Variants in COPG1 observed in about 807,000 individuals in gnomAD.
The protein encoded by COPG1 is coatomer subunit gamma-1.
In COPG1, 29 loss-of-function variants were observed where a neutral mutation model predicts 102.8. The ratio of observed to expected loss-of-function variants is 0.28; its 90% CI spans 0.21 to 0.38. The LOEUF (loss-of-function observed/expected upper bound fraction) is 0.38. Among genes scored for constraint, COPG1 ranks in the 10% least tolerant of loss-of-function variants. The pLI is 1.00. For synonymous variants in COPG1, 406 were observed against 421.6 expected (o/e 0.96, Z 0.45); for missense variants, 875 against 1,132.7 (o/e 0.77, Z 3.27).
chr3:129,252,592 C>T, intron 3 of COPG1, 31 bp from the exon 4 acceptor site: 1 of 1,591,006 alleles, frequency 6.3e-7, no homozygotes, highest in South Asian at 1.1e-5. Context: ...CCCTCTGTCC[C>T]AAGCTGAGAC....
In COPG1 at chr3:129,260,372, G is replaced by A. The variant is rs201228229; in HGVS notation, c.911G>A (p.Arg304His). The change falls in exon 11 of 24, where the codon CGC (arginine) becomes CAC (histidine). Residue 304 changes from arginine to histidine, a missense_variant. Transcript: ENST00000314797. ...TGCAGCTCACCCAAGGCTGCTCTCCGCTATGCTGCTGTTCGTACCCTCAAT... is the reference window on the plus strand; with the variant it reads ...TGCAGCTCACCCAAGGCTGCTCTCCACTATGCTGCTGTTCGTACCCTCAAT... ...LFCSSPKAAL[R>H]YAAVRTLNKV... 24 of 1,614,126 alleles carry A rather than the reference G, an allele frequency of 1.5e-5. No individual in the cohort carries two copies. The highest frequency in any genetic ancestry group is 1.9e-5 in the Non-Finnish European group (22 of 1,180,008).
chr3:129,275,505 T>A lies in COPG1; in HGVS notation c.2494+213T>A, dbSNP rs1390426569. Among the ~76,000 whole-genome samples, 1 of 152,248 alleles carries A rather than the reference T, an allele frequency of 6.6e-6. No homozygotes were observed. The highest frequency in any genetic ancestry group is 2.4e-5 in the African/African-American group (1 of 41,468). ...TTCCGAGAAGCGACCAGTGTTACTA[T>A]TACAAACAATACTTGTATAACCTTG... On this transcript the variant is annotated intron_variant, in intron 23 of 23. Transcript: ENST00000314797. This position sits in a 1 kb window ranked among gnomAD's most constrained non-coding sequence, Gnocchi z 5.0.
At chr3:129,250,382 C>T (rs977787482) in intron 1 of COPG1, among the ~76,000 whole-genome samples, 15 of 152,294 alleles carry the variant, frequency 9.8e-5, no homozygotes, top group African/African-American at 3.4e-4. Context: ...TGGTCCCTGG[C>T]ACATAGGGAC....
intron 11 of COPG1, 98 bp downstream of exon 11, chr3:129,260,498 CAGTT>C: frequency 1.3e-6 from 2 of 1,502,538 alleles, no homozygotes; most frequent in South Asian, 1.2e-5. Flanking sequence ...GCCCTGGTCA[CAGTT>C]AGTTTCTTCT....
At position 129,275,324 on chromosome 3, in the gene COPG1, G is replaced by C; in HGVS notation, c.2494+32G>C. On this transcript the variant is annotated intron_variant, in intron 23 of 23. Coordinates refer to ENST00000314797, the MANE Select transcript of COPG1 (RefSeq NM_016128.4). This position sits in a 1 kb window ranked among gnomAD's most constrained non-coding sequence, Gnocchi z 5.0. The stretch of plus-strand genomic sequence containing the variant: ...GGCATTTCTAGATGGGGAGGGCCTG[G>C]ATAGCTTACAGCCTGGATGCCACTG... The C allele has an allele frequency of 6.3e-7, 1 of 1,580,200 alleles. No individual in the cohort carries two copies. The highest frequency in any genetic ancestry group is 1.1e-5 in the South Asian group (1 of 90,210).
chr3:129,261,385 G>T (rs941848608), intron 12 of COPG1, among the ~76,000 whole-genome samples: 2 of 152,146 alleles, frequency 1.3e-5, no homozygotes, highest in African/African-American at 4.8e-5. Context: ...GGAGAGAGAA[G>T]GCCAGTGGGT....
At chr3:129,263,046 G>GAAAA (rs1560065383) in intron 12 of COPG1, among the ~76,000 whole-genome samples, 3 of 135,094 alleles carry the variant, frequency 2.2e-5, no homozygotes, top group African/African-American at 1.0e-4. Flanking sequence ...GAGTCCTTCT[G>GAAAA]GAGCAGAGTG....
rs1363618406 is a variant in COPG1 at position 129,270,546 on chromosome 3, TTGA to T, written c.1844-1218_1844-1216del. 3.9e-5 allele frequency among the ~76,000 whole-genome samples: 6 copies of T among 152,274 alleles called. No homozygotes were observed. The East Asian group carries it at 1.2e-3, about 29-fold the overall frequency. ...TATCAATAGAAAAGCACTCTAGTGG[TTGA>T]TGGTCATGGTGGCCCAAAAGTTCCT... On this transcript the variant is annotated intron_variant, in intron 18 of 23. Transcript: ENST00000314797.
chr3:129,250,857 GT>G, intron 2 of COPG1, 123 bp downstream of exon 2: 2 of 630,520 alleles, frequency 3.2e-6, no homozygotes, highest in Non-Finnish European at 5.4e-6. Flanking sequence ...GTGCCTGGAA[GT>G]TTTCTGGAAG....
chr3:129,256,118 T>C lies in COPG1; in HGVS notation c.543T>C (p.Ala181=). 1 of 1,613,956 alleles carries C rather than the reference T, an allele frequency of 6.2e-7. No individual in the cohort carries two copies. Among genetic ancestry groups the C allele is most frequent in the Non-Finnish European group, 8.5e-7 (1 of 1,179,902 alleles). The part of the protein sequence containing the change: ...FDVVKRWVNE[A]QEAASSDNIM... ...TGGTCAAGCGCTGGGTGAATGAGGCTCAGGAGGCAGCATCCAGTGATAACA... is the reference window on the plus strand; with the variant it reads ...TGGTCAAGCGCTGGGTGAATGAGGCCCAGGAGGCAGCATCCAGTGATAACA... The change falls in exon 8 of 24, where the codon GCT becomes GCC. Residue 181 remains alanine (A), a synonymous_variant. Transcript: ENST00000314797.
intron 2 of COPG1, among the ~76,000 whole-genome samples, chr3:129,251,113 C>T (rs961701486): frequency 1.2e-4 from 18 of 150,648 alleles, no homozygotes; most frequent in Non-Finnish European, 2.2e-4. Flanking sequence ...TTAGTAGAGA[C>T]GGGGTTTCAC....
At chr3:129,250,816 T>C in intron 2 of COPG1, 82 bp downstream of exon 2, 1 of 1,322,210 alleles carries the variant, frequency 7.6e-7, no homozygotes, top group Non-Finnish European at 1.1e-6. Flanking sequence ...ATTCAAAGTG[T>C]TGTTTTAAAG....
At chr3:129,255,801 T>C (rs1175978352) in intron 7 of COPG1, among the ~76,000 whole-genome samples, 1 of 152,130 alleles carries the variant, frequency 6.6e-6, no homozygotes, top group Non-Finnish European at 1.5e-5. Context: ...AGTATTTCTG[T>C]ATCTGTAAGC....
chr3:129,260,327 C>T lies in COPG1; in HGVS notation c.872-6C>T. On this transcript the variant is annotated splice_polypyrimidine_tract_variant and splice_region_variant and intron_variant, in intron 10 of 23. Coordinates refer to ENST00000314797, the MANE Select transcript of COPG1 (RefSeq NM_016128.4). ...AACCTGACATGTGGCATCCATCTCC[C>T]CACAGTGCTCCAGCTTTTCTGCAGC... The T allele has an allele frequency of 6.2e-7, 1 of 1,613,968 alleles. No individual in the cohort carries two copies. The highest frequency in any genetic ancestry group is 1.1e-5 in the South Asian group (1 of 91,052).
Position 129,256,055 on chromosome 3 carries a change from C to T in COPG1, c.493-13C>T, listed in dbSNP as rs752283916. The T allele has an allele frequency of 6.2e-7, 1 of 1,612,830 alleles. No homozygotes were observed. The highest frequency in any genetic ancestry group is 1.7e-5 in the Admixed American group (1 of 60,012). On this transcript the variant is annotated splice_polypyrimidine_tract_variant and intron_variant, in intron 7 of 23. Transcript: ENST00000314797. Reference sequence around the variant, plus strand: ...CTTCCTACCTGCCCCTTAATGTGTCCTGTTGCCCACAGCACCTGCTGAAGT... The same window carrying T: ...CTTCCTACCTGCCCCTTAATGTGTCTTGTTGCCCACAGCACCTGCTGAAGT...
At chr3:129,253,079 C>G (rs1397187320) in intron 5 of COPG1, 124 bp downstream of exon 5, 5 of 747,990 alleles carry the variant, frequency 6.7e-6, no homozygotes, top group Non-Finnish European at 1.1e-5. Flanking sequence ...TGGCAGCTTC[C>G]CTGTTACCAC....
Position 129,268,158 on chromosome 3 carries a change from T to G in COPG1, c.1648+118T>G, listed in dbSNP as rs569069086. ...TCTTGGCTGGACTTGCCTGGCAACC[T>G]CATGGCATCATGGTGACCTCAGGAG... On this transcript the variant is annotated intron_variant, in intron 16 of 23. Transcript: ENST00000314797. The G allele has an allele frequency of 9.7e-6, 8 of 824,474 alleles. 1 individual carries two copies. The Middle Eastern group carries it at 9.0e-4, about 93-fold the overall frequency. 51.1% of individuals were successfully genotyped at this position (824,474 alleles called of 1,614,324 possible). A position where few individuals can be genotyped will look rare whatever the true frequency, so the allele number is the denominator to read the frequency against.
At chr3:129,264,697 T>G (rs1271202247) in intron 13 of COPG1, among the ~76,000 whole-genome samples, 1 of 152,188 alleles carries the variant, frequency 6.6e-6, no homozygotes, top group East Asian at 1.9e-4. Context: ...TTGCCCAGGC[T>G]GGTCTCAAAC....
Position 129,265,568 on chromosome 3 carries a change from G to GTAT in COPG1, c.1244_1245insTAT (p.Arg415_Ala416insIle), listed in dbSNP as rs754640565. The GTAT allele has an allele frequency of 6.2e-7, 1 of 1,614,160 alleles. No homozygotes were observed. Among genetic ancestry groups the GTAT allele is most frequent in the Non-Finnish European group, 8.5e-7 (1 of 1,180,024 alleles). On this transcript the variant is annotated inframe_insertion, in exon 14 of 24. Coordinates refer to ENST00000314797, the MANE Select transcript of COPG1 (RefSeq NM_016128.4). ...CTGCAGGGTGGCTTTGAGTATAAGC[G>GTAT]CGCTATCGTGGACTGCATCATCAGC...
Sources: allele counts gnomAD v4.1 joint callset (sites outside exome capture counted in the v4.1 genomes callset), GRCh38; gene constraint gnomAD v4.1.1; non-coding constraint Gnocchi (gnomAD v3.1); transcripts MANE v1.5; gene names NCBI Gene and HGNC (gene_info 2026-07-23, HGNC 2026-07-21).